The following GASK1A variants were observed in gnomAD, a reference collection of about 807,000 sequenced individuals.
GASK1A encodes Golgi-associated kinase 1A.
Under a neutral mutation model 41.2 loss-of-function variants are expected in GASK1A, and 40 were observed. The observed-to-expected ratio is 0.97, with a 90% CI of 0.75 to 1.27. The LOEUF is 1.27. Among genes scored for constraint, GASK1A ranks in the 50% most tolerant of loss-of-function variants. The pLI is 0.00. For missense variants in GASK1A, 678 were observed against 745.1 expected (o/e 0.91, Z 1.05); for synonymous variants, 316 against 307.1 (o/e 1.03, Z -0.30).
chr3:43,048,143 G>T (rs2089672836), intron 2 of GASK1A, among the ~76,000 whole-genome samples: 1 of 152,182 alleles, frequency 6.6e-6, no homozygotes, highest in South Asian at 2.1e-4. Context: ...ATGAAGCCCT[G>T]GCTGAATGGA....
intron 2 of GASK1A, among the ~76,000 whole-genome samples, chr3:43,045,601 A>C (rs2089657852): frequency 6.6e-6 from 1 of 152,126 alleles, no homozygotes; most frequent in South Asian, 2.1e-4. Flanking sequence ...GCACTAAACC[A>C]CTGTGTTGGT....
intron 1 of GASK1A, among the ~76,000 whole-genome samples, chr3:43,022,441 C>G (rs1443401511): frequency 1.3e-5 from 2 of 151,106 alleles, no homozygotes; most frequent in African/African-American, 4.9e-5. Flanking sequence ...TGGTGGTATC[C>G]AATACTTTGA....
At chr3:42,998,119 G>A (rs186609267) in intron 1 of GASK1A, among the ~76,000 whole-genome samples, 44 of 152,306 alleles carry the variant, frequency 2.9e-4, no homozygotes, top group African/African-American at 9.6e-4. Context: ...CTGGGACATC[G>A]CCTCACTGTC....
At chr3:42,986,270 G>T (rs1002969336) in intron 1 of GASK1A, among the ~76,000 whole-genome samples, 33 of 152,284 alleles carry the variant, frequency 2.2e-4, no homozygotes, top group African/African-American at 7.9e-4. Flanking sequence ...TCTAGAAAAG[G>T]CAAAACTATA....
rs762588969 is a variant in GASK1A, at chr3:43,032,316, C to T, written c.53C>T (p.Ala18Val). ...KLRGKRRPVI[A>V]FCLLMILSAM... ...CGTGGCAAGAGGCGGCCAGTGATAG[C>T]GTTCTGCCTCTTGATGATCCTATCT... is the stretch of plus-strand genomic sequence containing the variant. Residue 18 changes from alanine (A) to valine (V), a missense_variant, in exon 2 of 5, where the codon GCG (alanine) becomes GTG (valine). By Grantham distance (64) the Ala-to-Val change is moderately conservative. Transcript: ENST00000430121. 1.3e-6 allele frequency: 2 copies of T among 1,546,984 alleles called. No individual in the cohort carries two copies. The highest frequency in any genetic ancestry group is 2.5e-5 in the East Asian group (1 of 40,758).
At chr3:43,011,031 G>A (rs1273569306) in intron 1 of GASK1A, among the ~76,000 whole-genome samples, 1 of 152,140 alleles carries the variant, frequency 6.6e-6, no homozygotes, top group Non-Finnish European at 1.5e-5. Context: ...TATCTATAGT[G>A]TTTTTAACTG....
chr3:42,995,607 G>A (rs971622792), intron 1 of GASK1A, among the ~76,000 whole-genome samples: 5 of 152,034 alleles, frequency 3.3e-5, no homozygotes, highest in Non-Finnish European at 5.9e-5. Flanking sequence ...CTGGAGACTG[G>A]GGTGGATGTC....
chr3:43,055,481 A>C lies in GASK1A; in HGVS notation c.1463A>C (p.Asn488Thr). 1.3e-6 allele frequency: 2 copies of C among 1,551,878 alleles called. No individual in the cohort carries two copies. The highest frequency in any genetic ancestry group is 2.4e-5 in the South Asian group (2 of 84,064). The change falls in exon 4 of 5, where the codon AAC (asparagine) becomes ACC (threonine). Residue 488 changes from asparagine (N) to threonine (T), a missense_variant. Physicochemically the swap from Asn to Thr is moderately conservative, Grantham distance 65. Coordinates refer to ENST00000430121, the MANE Select transcript of GASK1A (RefSeq NM_001129908.3). ...CTGGTCTACATCGATAACGCTGGCA[A>C]CCTTCAGCACCCTGAGGACAAGCTG... ...SHLVYIDNAGNLQHPEDKLNF... is the reference protein window; with the variant it reads ...SHLVYIDNAGTLQHPEDKLNF...
chr3:42,982,512 C>T (rs1033723911), intron 1 of GASK1A, among the ~76,000 whole-genome samples: 12 of 152,178 alleles, frequency 7.9e-5, no homozygotes, highest in Non-Finnish European at 1.6e-4. Context: ...TATCAAAGCA[C>T]GTTTCCATGT....
chr3:43,001,345 C>T (rs1412853422), intron 1 of GASK1A, among the ~76,000 whole-genome samples: 2 of 152,220 alleles, frequency 1.3e-5, no homozygotes, highest in Non-Finnish European at 2.9e-5. Context: ...TTCCTTCTAA[C>T]ACTGGATACA....
intron 1 of GASK1A, among the ~76,000 whole-genome samples, chr3:43,020,503 G>A (rs1025545474): frequency 6.6e-6 from 1 of 152,174 alleles, no homozygotes; most frequent in Non-Finnish European, 1.5e-5. Context: ...TGAGGGAGGG[G>A]TGCTAGGCTT....
intron 1 of GASK1A, among the ~76,000 whole-genome samples, chr3:43,021,066 T>A (rs1007265783): frequency 6.6e-6 from 1 of 152,146 alleles, no homozygotes; most frequent in Non-Finnish European, 1.5e-5. Context: ...GTTTCTACCC[T>A]TGTGGAGGCA....
intron 1 of GASK1A, among the ~76,000 whole-genome samples, chr3:43,014,226 G>A (rs1303097489): frequency 6.6e-6 from 1 of 152,088 alleles, no homozygotes; most frequent in African/African-American, 2.4e-5. Flanking sequence ...GTAGTCACAG[G>A]AAGGTGCTGT....
chr3:43,026,691 A>G (rs554218716), intron 1 of GASK1A, among the ~76,000 whole-genome samples: 1 of 152,332 alleles, frequency 6.6e-6, no homozygotes. Context: ...AATAGAGTAT[A>G]AAAACAAGAA....
At chr3:42,986,725 CT>C (rs1223621839) in intron 1 of GASK1A, among the ~76,000 whole-genome samples, 1 of 152,052 alleles carries the variant, frequency 6.6e-6, no homozygotes, top group Non-Finnish European at 1.5e-5. Flanking sequence ...GGCTTTTGAG[CT>C]TGGAGAGATG....
chr3:43,020,086 T>C (rs1001344591), intron 1 of GASK1A, among the ~76,000 whole-genome samples: 12 of 151,902 alleles, frequency 7.9e-5, no homozygotes, highest in Non-Finnish European at 1.3e-4. Context: ...GCAGTGGAGG[T>C]GTCAGGGTGT....
At chr3:42,995,011 T>G (rs967107343) in intron 1 of GASK1A, among the ~76,000 whole-genome samples, 6 of 152,198 alleles carry the variant, frequency 3.9e-5, no homozygotes, top group African/African-American at 1.4e-4. Context: ...ATGGAAACCT[T>G]TAAATTTTAA....
intron 1 of GASK1A, among the ~76,000 whole-genome samples, chr3:43,030,077 A>G (rs1244496460): frequency 1.3e-5 from 2 of 151,996 alleles, no homozygotes; most frequent in Non-Finnish European, 2.9e-5. Flanking sequence ...GCTCACTGCA[A>G]CCTCCACCTC....
At chr3:42,982,541 C>A (rs554818920) in intron 1 of GASK1A, among the ~76,000 whole-genome samples, 11 of 152,266 alleles carry the variant, frequency 7.2e-5, no homozygotes, top group South Asian at 6.2e-4. Context: ...CTAGAAAAAT[C>A]TTTTATAACC....
Sources: allele counts gnomAD v4.1 joint callset (sites outside exome capture counted in the v4.1 genomes callset), GRCh38; gene constraint gnomAD v4.1.1; transcripts MANE v1.5; gene names NCBI Gene and HGNC (gene_info 2026-07-23, HGNC 2026-07-21).